Variants in ESD observed in about 807,000 individuals in gnomAD.
ESD encodes the protein esterase D, also known as S-formylglutathione hydrolase.
Under a neutral mutation model 38.1 loss-of-function variants are expected in ESD, and 34 were observed. The ratio of observed to expected loss-of-function variants is 0.89; its 90% confidence interval spans 0.68 to 1.19. The LOEUF is 1.19. Among genes scored for constraint, ESD ranks in the 50% most tolerant of loss-of-function variants. ESD has a pLI of 0.00. For synonymous variants in ESD, 97 were observed against 107.0 expected (o/e 0.91, Z 0.58); for missense variants, 334 against 327.2 (o/e 1.02, Z -0.16).
At chr13:46,786,310 T>TA (rs1875190635) in intron 4 of ESD, among the ~76,000 whole-genome samples, 1 of 151,996 alleles carries the variant, frequency 6.6e-6, no homozygotes, top group African/African-American at 2.4e-5. Flanking sequence ...GAGGATTTGT[T>TA]AAATCAAAGT....
chr13:46,781,735 A>T (rs1875010481), intron 6 of ESD, 120 bp from the exon 7 acceptor site: 1 of 890,220 alleles, frequency 1.1e-6, no homozygotes, highest in Non-Finnish European at 1.8e-6. Flanking sequence ...AATGGTTTGA[A>T]CTAGTAACAA....
chr13:46,783,116 C>T (rs538990463), intron 5 of ESD, among the ~76,000 whole-genome samples: 1 of 151,926 alleles, frequency 6.6e-6, no homozygotes, highest in Non-Finnish European at 1.5e-5. Flanking sequence ...CTCTGGTTTA[C>T]CTGTCAAAAA....
Position 46,771,360 on chromosome 13 carries a change from C to T in ESD, c.*56G>A. The T allele has an allele frequency of 9.8e-7, 1 of 1,017,480 alleles. No homozygotes were observed. Among genetic ancestry groups the T allele is most frequent in the Non-Finnish European group, 1.4e-6 (1 of 690,618 alleles). 63.0% of individuals were successfully genotyped at this position (1,017,480 alleles called of 1,614,324 possible). ...TTTTTTTTTTTTTTGCTCAGCAATA[C>T]AGTTGCATTTTACAACTTTTATAAT... On this transcript the variant is annotated 3_prime_UTR_variant, in exon 10 of 10. Coordinates refer to ENST00000378720, the MANE Select transcript of ESD (RefSeq NM_001984.2).
intron 4 of ESD, among the ~76,000 whole-genome samples, chr13:46,785,369 G>A (rs1875156996): frequency 6.6e-6 from 1 of 151,998 alleles, no homozygotes; most frequent in South Asian, 2.1e-4. Context: ...ACATTCATGT[G>A]CAAGTTTCTG....
intron 9 of ESD, 51 bp downstream of exon 9, chr13:46,777,405 A>T (rs1419423346): frequency 7.4e-7 from 1 of 1,353,304 alleles, no homozygotes; most frequent in African/African-American, 1.5e-5. Flanking sequence ...CAGAATCCTA[A>T]TTTTTCATAG....
chr13:46,774,737 T>C (rs1293707322), intron 9 of ESD, among the ~76,000 whole-genome samples: 1 of 152,196 alleles, frequency 6.6e-6, no homozygotes, highest in Non-Finnish European at 1.5e-5. Context: ...TTAGAAAAGC[T>C]TGGATAAGAA....
rs1356438329 is a variant in ESD, at chr13:46,791,419, T to C, written c.-6A>G. ...GAAATCTGCTTCAATGCCATTCTTT[T>C]CCTATTAGTAAAGAGTAATCTCATT... On this transcript the variant is annotated splice_region_variant and 5_prime_UTR_variant, in exon 3 of 10. Coordinates refer to ENST00000378720, the MANE Select transcript of ESD (RefSeq NM_001984.2). 39 of 1,610,100 alleles carry C rather than the reference T, an allele frequency of 2.4e-5. No individual in the cohort carries two copies. The highest frequency in any genetic ancestry group is 3.3e-5 in the Non-Finnish European group (39 of 1,177,604).
intron 9 of ESD, chr13:46,776,337 C>T (rs1874797433): frequency 6.6e-6 from 1 of 152,144 alleles, no homozygotes; most frequent in Admixed American, 6.6e-5. Flanking sequence ...AGATCTTCTG[C>T]ATAAGTTACG....
intron 9 of ESD, among the ~76,000 whole-genome samples, chr13:46,772,361 T>C (rs968664680): frequency 6.6e-6 from 1 of 152,222 alleles, no homozygotes; most frequent in Admixed American, 6.5e-5. Flanking sequence ...ACTCTGACAC[T>C]TCTTCTGAAT....
intron 2 of ESD, 55 bp from the exon 3 acceptor site, chr13:46,791,475 T>G: frequency 7.3e-7 from 1 of 1,367,468 alleles, no homozygotes; most frequent in Non-Finnish European, 1.0e-6. Context: ...CTGAAAAACT[T>G]GAAACAAAAC....
intron 8 of ESD, among the ~76,000 whole-genome samples, chr13:46,778,775 C>T (rs941543137): frequency 6.6e-5 from 10 of 151,766 alleles, no homozygotes; most frequent in African/African-American, 2.2e-4. Flanking sequence ...TAAATCATTT[C>T]TAGCATTCTT....
chr13:46,781,716 T>TTGTA, intron 6 of ESD, 101 bp from the exon 7 acceptor site: 3 of 1,092,386 alleles, frequency 2.7e-6, no homozygotes, highest in Non-Finnish European at 4.1e-6. Context: ...TGCCAAATCA[T>TTGTA]AGTCTTACAA....
intron 4 of ESD, 35 bp downstream of exon 4, chr13:46,786,986 A>G: frequency 1.6e-6 from 2 of 1,271,390 alleles, no homozygotes; most frequent in Non-Finnish European, 2.1e-6. Context: ...AGAAAATAGA[A>G]ACGACTTTAT....
At chr13:46,784,835 C>A (rs1875134463) in intron 4 of ESD, among the ~76,000 whole-genome samples, 1 of 151,914 alleles carries the variant, frequency 6.6e-6, no homozygotes, top group African/African-American at 2.4e-5. Flanking sequence ...TTACTAAAAT[C>A]CTTTGGACCA....
At chr13:46,790,004 A>AT (rs1156982684) in intron 3 of ESD, among the ~76,000 whole-genome samples, 2,763 of 86,958 alleles carry the variant, frequency 0.032, 41 homozygotes, top group Middle Eastern at 0.068. Flanking sequence ...ATATATATAT[A>AT]TATATTTTTT....
rs1431991427 is a variant in ESD at position 46,771,417 on chromosome 13, C to A, written c.848G>T (p.Ter283LeuextTer5). The A allele has an allele frequency of 6.4e-7, 1 of 1,562,316 alleles. No individual in the cohort carries two copies. The highest frequency in any genetic ancestry group is 8.7e-7 in the Non-Finnish European group (1 of 1,150,944). Reference sequence around the variant, plus strand: ...GAGATTCTCTTATTTGGAGTTTTTTCATGCATTCAGGTATTTAGCATGATG... The same window carrying A: ...GAGATTCTCTTATTTGGAGTTTTTTAATGCATTCAGGTATTTAGCATGATG... ...IRHHAKYLNA[*>L] The change falls in exon 10 of 10, where the codon TGA (stop) becomes TTA (leucine). Residue 283 changes from the stop codon to leucine, a stop_lost. Transcript: ENST00000378720.
Position 46,771,366 on chromosome 13 carries a change from C to G in ESD, c.*50G>C. On this transcript the variant is annotated 3_prime_UTR_variant, in exon 10 of 10. Transcript: ENST00000378720. ...TTTTTTTTGCTCAGCAATACAGTTG[C>G]ATTTTACAACTTTTATAATCCTGAA... 1 of 1,210,912 alleles carries G rather than the reference C, an allele frequency of 8.3e-7. No individual in the cohort carries two copies. Among genetic ancestry groups the G allele is most frequent in the Non-Finnish European group, 1.2e-6 (1 of 852,864 alleles). The allele number at this position is 1,210,912 out of a possible 1,614,324, so 75.0% of individuals were successfully genotyped here. A position where few individuals can be genotyped will look rare whatever the true frequency, so the allele number is the denominator to read the frequency against.
Position 46,771,480 on chromosome 13 carries a change from T to C in ESD, c.785A>G (p.Tyr262Cys). ...AGTAATAAAGGTTGCAATGAAGTAG[T>C]AGCTATGATCATAACCCTAGAAGAT... ...FRLQEGYDHS[Y>C]YFIATFITDH... The change falls in exon 10 of 10, where the codon TAC becomes TGC. Residue 262 changes from tyrosine (Y) to cysteine (C), a missense_variant. Physicochemically the swap from Tyr to Cys is radical, Grantham distance 194 (BLOSUM62 -2). Coordinates refer to ENST00000378720, the MANE Select transcript of ESD (RefSeq NM_001984.2). 1 of 1,601,808 alleles carries C rather than the reference T, an allele frequency of 6.2e-7. No homozygotes were observed. Among genetic ancestry groups the C allele is most frequent in the Non-Finnish European group, 8.5e-7 (1 of 1,169,692 alleles).
At chr13:46,781,292 C>T (rs1354654938) in intron 7 of ESD, among the ~76,000 whole-genome samples, 1 of 151,684 alleles carries the variant, frequency 6.6e-6, no homozygotes. Flanking sequence ...TAAGAAAGCA[C>T]TCTTGCTGAA....
Sources: gnomAD v4.1 joint callset for allele counts (sites outside exome capture counted in the v4.1 genomes callset) on GRCh38, gnomAD v4.1.1 for gene constraint, MANE v1.5 for transcripts, NCBI Gene and HGNC (gene_info 2026-07-23, HGNC 2026-07-21) for gene names.